The following STRC variants were observed in gnomAD, a reference collection of about 807,000 sequenced individuals.
STRC encodes stereocilin.
Under a neutral mutation model 103.5 loss-of-function variants are expected in STRC, and 43 were observed. The observed-to-expected ratio is 0.42, with a 90% CI of 0.33 to 0.54. The LOEUF is 0.54. Ranked by LOEUF, STRC falls within the 20% of genes least tolerant of loss-of-function variation. The pLI, the probability that STRC is intolerant of heterozygous loss-of-function variation, is 0.14. For missense variants in STRC, 499 were observed against 1,088.5 expected (o/e 0.46, Z 7.62); for synonymous variants, 186 against 442.3 (o/e 0.42, Z 7.27).
At chr15:43,609,389 C>T (rs1158505927) in intron 15 of STRC, 55 bp from the exon 16 acceptor site, 4 of 1,550,960 alleles carry the variant, frequency 2.6e-6, no homozygotes, top group Non-Finnish European at 3.5e-6. Flanking sequence ...TCCAAGGATA[C>T]CCCCTAGAGT....
At chr15:43,604,950 A>C (rs2085701425) in intron 19 of STRC, 104 bp from the exon 20 acceptor site, 9 of 1,495,434 alleles carry the variant, frequency 6.0e-6, no homozygotes, top group African/African-American at 1.4e-5. Flanking sequence ...TCCTGCTCCC[A>C]GCTCAGCACC....
intron 24 of STRC, 41 bp downstream of exon 24, chr15:43,601,355 A>G (rs1403601042): frequency 6.2e-7 from 1 of 1,611,310 alleles, no homozygotes; most frequent in East Asian, 2.2e-5. Context: ...GGTCTGTGGG[A>G]TGGGTGTTTG....
chr15:43,600,372 C>G, intron 26 of STRC, 79 bp from the exon 27 acceptor site: 2 of 913,362 alleles, frequency 2.2e-6, no homozygotes, highest in Non-Finnish European at 3.5e-6. Context: ...TCTCTAACTA[C>G]TCCCAAAGTG....
Position 43,609,275 on chromosome 15 carries a change from C to T in STRC, c.3557+1G>A, listed in dbSNP as rs1234229912. 6.2e-7 allele frequency: 1 copy of T among 1,610,412 alleles called. No individual in the cohort carries two copies. Among genetic ancestry groups the T allele is most frequent in the East Asian group, 2.3e-5 (1 of 44,436 alleles). On this transcript the variant is annotated splice_donor_variant, in intron 16 of 28. Coordinates refer to ENST00000450892, the MANE Select transcript of STRC (RefSeq NM_153700.2). LOFTEE classifies it high-confidence loss of function. ...CGCACTGCTCAACACAAGTTACTCA[C>T]TGCAGATTCCTGAGGGTAAGGTTGG...
At position 43,600,434 on chromosome 15, in the gene STRC, T is replaced by C; in HGVS notation, c.4993+100A>G. 2.5e-6 allele frequency: 4 copies of C among 1,586,374 alleles called. No homozygotes were observed. In the South Asian group the frequency reaches 3.3e-5, roughly 13 times the overall value. ...TCTCTAGCCCCTTATTTAAACACCC[T>C]CAGGCCCCCACCTTAAGAATTGCAG... is the stretch of plus-strand genomic sequence containing the variant. On this transcript the variant is annotated intron_variant, in intron 26 of 28. Transcript: ENST00000450892.
At position 43,608,128 on chromosome 15, in the gene STRC, T is replaced by C; in HGVS notation, c.3633A>G (p.Glu1211=). ...QQINSMVDFL[E]VVHMIYQLPT... is the part of the protein sequence containing the mutation. ...GCAGCTGATAGATCATGTGCACCAC[T>C]TCAAGGAAGTCTACCATGGAGTTGA... The change falls in exon 17 of 29, where the codon GAA becomes GAG. Residue 1211 remains glutamate, a synonymous_variant. Transcript: ENST00000450892. 2 of 1,607,978 alleles carry C rather than the reference T, an allele frequency of 1.2e-6. No homozygotes were observed. Among genetic ancestry groups the C allele is most frequent in the South Asian group, 1.1e-5 (1 of 90,924 alleles).
rs144622511 is a variant in STRC, at chr15:43,603,372, G to T, written c.4415C>A (p.Pro1472Gln). The T allele has an allele frequency of 6.2e-7, 1 of 1,613,796 alleles. No homozygotes were observed. Among genetic ancestry groups the T allele is most frequent in the Non-Finnish European group, 8.5e-7 (1 of 1,179,876 alleles). The change falls in exon 23 of 29, where the codon CCA becomes CAA. Residue 1472 changes from proline to glutamine, a missense_variant. Coordinates refer to ENST00000450892, the MANE Select transcript of STRC (RefSeq NM_153700.2). ...AATCTGGGTTGCAGACCAGGCTGCTGGGAATGTCCCTCGTACATCTGCACA... is the reference window on the plus strand; with the variant it reads ...AATCTGGGTTGCAGACCAGGCTGCTTGGAATGTCCCTCGTACATCTGCACA... ...PNCADVRGTF[P>Q]AAWSATQIAE...
In STRC at chr15:43,603,102, C is replaced by A. The variant is rs1255815621; in HGVS notation, c.4545+140G>T. 4.5e-6 allele frequency: 4 copies of A among 882,304 alleles called. No individual in the cohort carries two copies. In the Admixed American group the frequency reaches 8.1e-5, roughly 18 times the overall value. 54.7% of individuals were successfully genotyped at this position (882,304 alleles called of 1,614,324 possible). ...CCTCAATATTTATCTCCCTTCACCTCCTACTTGTGACCCAAATCTTCTAAC... is the reference window on the plus strand; with the variant it reads ...CCTCAATATTTATCTCCCTTCACCTACTACTTGTGACCCAAATCTTCTAAC... On this transcript the variant is annotated intron_variant, in intron 23 of 28. Coordinates refer to ENST00000450892, the MANE Select transcript of STRC (RefSeq NM_153700.2).
chr15:43,600,857 C>T lies in STRC; in HGVS notation c.4844+15G>A, dbSNP rs749407115. 27 of 1,613,658 alleles carry T rather than the reference C, an allele frequency of 1.7e-5. No homozygotes were observed. In the East Asian group the frequency reaches 6.0e-4, roughly 36 times the overall value. ...TTACCTCAGCACCACCACCCTCAGC[C>T]CCTTCACAAATGACCTGAACTCCCA... On this transcript the variant is annotated intron_variant, in intron 25 of 28. Transcript: ENST00000450892.
intron 16 of STRC, 134 bp from the exon 17 acceptor site, chr15:43,608,337 G>C: frequency 1.5e-6 from 1 of 649,602 alleles, no homozygotes; most frequent in East Asian, 3.0e-5. Context: ...TTTTTACATA[G>C]ATATCTCATC....
intron 13 of STRC, 48 bp from the exon 14 acceptor site, chr15:43,611,032 G>C (rs1567119397): frequency 6.2e-7 from 1 of 1,612,366 alleles, no homozygotes. Flanking sequence ...GTGTGTGTGT[G>C]TGTGTGTAAG....
Position 43,608,094 on chromosome 15 carries a change from C to A in STRC, c.3667G>T (p.Val1223Phe). Residue 1223 changes from valine (V) to phenylalanine (F), a missense_variant, in exon 17 of 29, where the codon GTT (valine) becomes TTT (phenylalanine). Val to Phe is a conservative substitution (Grantham distance 50). Transcript: ENST00000450892. ...CCCCCTCTCACCAGGCTCCCTCGAA[C>A]TCTAGTGGGCAGCTGATAGATCATG... is the stretch of plus-strand genomic sequence containing the variant. ...VHMIYQLPTR[V>F]RGSLRACIWA... 6.2e-7 allele frequency: 1 copy of A among 1,610,056 alleles called. No homozygotes were observed. The highest frequency in any genetic ancestry group is 8.5e-7 in the Non-Finnish European group (1 of 1,179,384).
chr15:43,603,495 A>G lies in STRC; in HGVS notation c.4376-84T>C, dbSNP rs1385476288. 11 of 1,435,256 alleles carry G rather than the reference A, an allele frequency of 7.7e-6. No individual in the cohort carries two copies. In the South Asian group the frequency reaches 1.3e-4, roughly 16 times the overall value. 88.9% of individuals were successfully genotyped at this position (1,435,256 alleles called of 1,614,324 possible). ...TATCTGTAGATAGAGTGAGTCTTCC[A>G]ACCTTTGGAGGATAGAGCACTGTGA... On this transcript the variant is annotated intron_variant, in intron 22 of 28. Coordinates refer to ENST00000450892, the MANE Select transcript of STRC (RefSeq NM_153700.2).
rs1304941194 is a variant in STRC, at chr15:43,618,191, TC to T, written c.229del (p.Glu77LysfsTer4). 1 of 786,404 alleles carries T rather than the reference TC, an allele frequency of 1.3e-6. No individual in the cohort carries two copies. The highest frequency in any genetic ancestry group is 2.1e-6 in the Non-Finnish European group (1 of 485,770). The allele number at this position is 786,404 out of a possible 1,614,324, so 48.7% of individuals were successfully genotyped here. On this transcript the variant is annotated frameshift_variant, in exon 2 of 29. Transcript: ENST00000450892. LOFTEE classifies it high-confidence loss of function. The stretch of plus-strand genomic sequence containing the variant: ...AGGTGGGGGCTCTCCTACTGGTCCT[TC>T]CCCCATTCTCCCAGGCTCAAAGGAA... ...SSSFEPGRMG[E>X]GPVGEPPPLQ...
At chr15:43,605,142 A>G in intron 19 of STRC, 122 bp downstream of exon 19, 1 of 1,544,726 alleles carries the variant, frequency 6.5e-7, no homozygotes, top group Non-Finnish European at 8.8e-7. Flanking sequence ...CCTTGTAGAC[A>G]GGAATCTGTT....
intron 18 of STRC, among the ~76,000 whole-genome samples, chr15:43,605,759 G>GT (rs1385725067): frequency 2.3e-5 from 2 of 86,710 alleles, no homozygotes; most frequent in African/African-American, 4.7e-5. Context: ...CCCAATTCCC[G>GT]TTTTTTTCCA....
In STRC at chr15:43,610,940, T is replaced by C. The variant is rs1167403059; in HGVS notation, c.3351A>G (p.Pro1117=). The C allele has an allele frequency of 1.2e-6, 2 of 1,611,688 alleles. No individual in the cohort carries two copies. Among genetic ancestry groups the C allele is most frequent in the Non-Finnish European group, 1.7e-6 (2 of 1,178,298 alleles). ...VKNMGTTGAG[P]AVCIPGQPIP... ...TTACCTGACCAGGGATACACACAGC[T>C]GGACCAGCACCTGTTGTACCCATAT... The change falls in exon 14 of 29, where the codon CCA becomes CCG. Residue 1117 remains proline, a synonymous_variant. Coordinates refer to ENST00000450892, the MANE Select transcript of STRC (RefSeq NM_153700.2).
At position 43,603,199 on chromosome 15, in the gene STRC, T is replaced by G. The variant is rs761741712; in HGVS notation, c.4545+43A>C. The G allele has an allele frequency of 2.1e-5, 34 of 1,604,860 alleles. 1 individual carries two copies. The highest frequency in any genetic ancestry group is 2.8e-5 in the Non-Finnish European group (33 of 1,173,324). ...CTTTGTGTCCTACATCACACCCAAA[T>G]AGCTTCCTCATGGCCAACCCCAGTT... On this transcript the variant is annotated intron_variant, in intron 23 of 28. Coordinates refer to ENST00000450892, the MANE Select transcript of STRC (RefSeq NM_153700.2).
At position 43,600,932 on chromosome 15, in the gene STRC, C is replaced by T. The variant is rs746977182; in HGVS notation, c.4784G>A (p.Gly1595Asp). 3 of 1,610,794 alleles carry T rather than the reference C, an allele frequency of 1.9e-6. No individual in the cohort carries two copies. The highest frequency in any genetic ancestry group is 2.5e-6 in the Non-Finnish European group (3 of 1,179,138). Residue 1595 changes from glycine (G) to aspartate (D), a missense_variant, in exon 25 of 29, where the codon GGT becomes GAT. Transcript: ENST00000450892. ...HLDFVHLTAL[G>D]YTLCGLRPEE... The stretch of plus-strand genomic sequence containing the variant: ...TGGCCGCAGTCCACAGAGAGTATAA[C>T]CCAGCGCTGTCAGATGAACGAAGTC...
Sources: allele counts gnomAD v4.1 joint callset (sites outside exome capture counted in the v4.1 genomes callset), GRCh38; gene constraint gnomAD v4.1.1; transcripts MANE v1.5; gene names NCBI Gene and HGNC (gene_info 2026-07-23, HGNC 2026-07-21).